Variants in CEP128 observed in about 807,000 individuals in gnomAD.
CEP128 encodes centrosomal protein 128, also known as centrosomal protein 128kDa.
CEP128 carries 132 observed loss-of-function variants against 156.7 expected under a neutral mutation model. That is an observed-to-expected ratio of 0.84 (90% CI 0.73 to 0.97). The LOEUF (loss-of-function observed/expected upper bound fraction) is 0.97. Ranked by LOEUF, CEP128 falls within the 50% of genes least tolerant of loss-of-function variation. The pLI, the probability that CEP128 is intolerant of heterozygous loss-of-function variation, is 0.00. For synonymous variants in CEP128, 469 were observed against 448.9 expected (o/e 1.04, Z -0.57); for missense variants, 1,252 against 1,281.9 (o/e 0.98, Z 0.36).
chr14:80,657,451 A>G (rs1950821093), intron 19 of CEP128, among the ~76,000 whole-genome samples: 1 of 151,958 alleles, frequency 6.6e-6, no homozygotes, highest in African/African-American at 2.4e-5. Flanking sequence ...CAGGAGTTCC[A>G]GACACCCTGG....
intron 1 of CEP128, among the ~76,000 whole-genome samples, chr14:80,940,567 T>C (rs1358038613): frequency 1.3e-5 from 2 of 151,854 alleles, no homozygotes; most frequent in Non-Finnish European, 1.5e-5. Context: ...TAATCCCAGC[T>C]ACTCCGGAGG....
At chr14:80,858,519 T>G (rs1333770436) in intron 9 of CEP128, among the ~76,000 whole-genome samples, 1 of 117,554 alleles carries the variant, frequency 8.5e-6, no homozygotes, top group Admixed American at 9.1e-5. Context: ...CCAAAAGCAA[T>G]GGCAACAAAA....
rs142389077 is a variant in CEP128 at position 80,785,289 on chromosome 14, T to A, written c.1817A>T (p.Lys606Ile). ...KKQSKIQSQM[K>I]VEKAHLEEEI... ...TTCCTCCAAGTGAGCTTTCTCAACTTTCATCTGGCTTTGGATCTTACTCTG... is the reference window on the plus strand; with the variant it reads ...TTCCTCCAAGTGAGCTTTCTCAACTATCATCTGGCTTTGGATCTTACTCTG... Residue 606 changes from lysine to isoleucine, a missense_variant, in exon 15 of 25, where the codon AAA (lysine) becomes ATA (isoleucine). Coordinates refer to ENST00000555265, the MANE Select transcript of CEP128 (RefSeq NM_152446.5). The A allele has an allele frequency of 2.5e-4, 406 of 1,614,190 alleles. No individual in the cohort carries two copies. The highest frequency in any genetic ancestry group is 7.5e-4 in the South Asian group (68 of 91,086).
At chr14:80,485,819 C>T (rs143374330), downstream of CEP128, among the ~76,000 whole-genome samples, 151 of 152,230 alleles carry the variant, frequency 9.9e-4, no homozygotes, top group East Asian at 4.1e-3. Context: ...GGCGTATGTG[C>T]CTGTCCAATG....
Position 80,725,019 on chromosome 14 carries a change from G to GATAT in CEP128, c.2806+18052_2806+18055dup, listed in dbSNP as rs563908140. Among the ~76,000 whole-genome samples the GATAT allele has an allele frequency of 7.1e-3, 983 of 138,830 alleles. 9 individuals carry two copies. Among genetic ancestry groups the GATAT allele is most frequent in the African/African-American group, 0.023 (883 of 37,904 alleles). The allele number at this position is 138,830 out of a possible 152,430, so 91.1% of individuals were successfully genotyped here. Reference sequence around the variant, plus strand: ...ATATCATATATATATATACATATATGATATATATATATATATATGTCAGTG... The same window carrying GATAT: ...ATATCATATATATATATACATATATGATATATATATATATATATATATGTCAGTG... On this transcript the variant is annotated intron_variant, in intron 19 of 24. Transcript: ENST00000555265.
chr14:80,591,979 C>G (rs1487069035), intron 19 of CEP128, among the ~76,000 whole-genome samples: 18 of 152,104 alleles, frequency 1.2e-4, no homozygotes, highest in Admixed American at 6.5e-4. Flanking sequence ...ACACAATATA[C>G]CAGAATCTCT....
At chr14:80,779,576 G>A (rs1900990562) in intron 15 of CEP128, among the ~76,000 whole-genome samples, 2 of 152,164 alleles carry the variant, frequency 1.3e-5, no homozygotes, top group South Asian at 4.1e-4. Flanking sequence ...CCAGCTCATA[G>A]AAACTGTCAA....
At chr14:80,514,076 T>C (rs1888380570) in intron 23 of CEP128, among the ~76,000 whole-genome samples, 1 of 152,214 alleles carries the variant, frequency 6.6e-6, no homozygotes, top group Admixed American at 6.5e-5. Context: ...AATATTTCCT[T>C]TCTATTGATC....
chr14:80,789,437 C>T (rs562353674), intron 14 of CEP128, among the ~76,000 whole-genome samples: 34 of 152,230 alleles, frequency 2.2e-4, no homozygotes, highest in African/African-American at 8.2e-4. Context: ...GTGACGGTCA[C>T]TATAAAATAA....
rs563546022 is a variant in CEP128 at position 80,646,560 on chromosome 14, T to C, written c.2807-66137A>G. ...TGAATAGTATGATAAATGATTTGCC[T>C]AAATCTGTATATACAACATGTATAT... On this transcript the variant is annotated intron_variant, in intron 19 of 24. Coordinates refer to ENST00000555265, the MANE Select transcript of CEP128 (RefSeq NM_152446.5). Among the ~76,000 whole-genome samples the C allele has an allele frequency of 2.0e-5, 3 of 152,168 alleles. No individual in the cohort carries two copies. The South Asian group carries it at 6.2e-4, about 32-fold the overall frequency.
intron 19 of CEP128, among the ~76,000 whole-genome samples, chr14:80,647,047 A>ATGTGTG (rs1566831528): frequency 4.0e-4 from 2 of 4,958 alleles, no homozygotes; most frequent in African/African-American, 2.2e-3. Flanking sequence ...GTATATATAT[A>ATGTGTG]TATATATATA....
intron 13 of CEP128, among the ~76,000 whole-genome samples, chr14:80,798,852 A>T (rs114076988): frequency 6.2e-4 from 95 of 152,364 alleles, no homozygotes; most frequent in African/African-American, 2.3e-3. Context: ...CTCACACTTG[A>T]CAGTGAACAC....
At chr14:80,820,905 C>T (rs1885129612) in intron 13 of CEP128, among the ~76,000 whole-genome samples, 1 of 151,872 alleles carries the variant, frequency 6.6e-6, no homozygotes, top group South Asian at 2.1e-4. Context: ...TAGGTTCCCA[C>T]AAAATAATAT....
intron 8 of CEP128, among the ~76,000 whole-genome samples, chr14:80,879,030 C>T (rs929433712): frequency 6.6e-6 from 1 of 152,210 alleles, no homozygotes; most frequent in African/African-American, 2.4e-5. Flanking sequence ...GTCACTGTCA[C>T]TACCACAAAT....
intron 19 of CEP128, among the ~76,000 whole-genome samples, chr14:80,673,977 TAAAC>T (rs1895961511): frequency 6.6e-6 from 1 of 151,838 alleles, no homozygotes; most frequent in Non-Finnish European, 1.5e-5. Context: ...GCAGAGAAAA[TAAAC>T]AAAAAGAAAT....
At chr14:80,530,505 T>C (rs987233284) in intron 22 of CEP128, among the ~76,000 whole-genome samples, 1 of 152,234 alleles carries the variant, frequency 6.6e-6, no homozygotes, top group Admixed American at 6.5e-5. Flanking sequence ...ATTGTCAGTG[T>C]AATGTGTAAC....
At chr14:80,880,022 C>A (rs1468724230) in intron 8 of CEP128, among the ~76,000 whole-genome samples, 2 of 152,134 alleles carry the variant, frequency 1.3e-5, no homozygotes, top group African/African-American at 2.4e-5. Flanking sequence ...CAGATAAAGA[C>A]ATCACAAGAG....
At position 80,761,464 on chromosome 14, in the gene CEP128, G is replaced by A. The variant is rs150745114; in HGVS notation, c.2526C>T (p.Phe842=). ...GKEIDAACKT[F]SKDSVEKLKV... ...TTAATTTCTCCACTGAGTCCTTGGA[G>A]AATGTTTTACAAGCTGCATCAATTT... Residue 842 remains phenylalanine (F), a synonymous_variant, in exon 17 of 25, where the codon TTC becomes TTT. Coordinates refer to ENST00000555265, the MANE Select transcript of CEP128 (RefSeq NM_152446.5). 6.2e-6 allele frequency: 10 copies of A among 1,609,974 alleles called. No individual in the cohort carries two copies. Among genetic ancestry groups the A allele is most frequent in the Non-Finnish European group, 8.5e-6 (10 of 1,177,386 alleles).
chr14:80,647,016 T>C (rs960274836), intron 19 of CEP128, among the ~76,000 whole-genome samples: 1 of 114,552 alleles, frequency 8.7e-6, no homozygotes, highest in African/African-American at 2.9e-5. Flanking sequence ...TATATATGTG[T>C]GTGTATATAT....
Sources: gnomAD v4.1 joint callset for allele counts (sites outside exome capture counted in the v4.1 genomes callset) on GRCh38, gnomAD v4.1.1 for gene constraint, MANE v1.5 for transcripts, NCBI Gene and HGNC (gene_info 2026-07-23, HGNC 2026-07-21) for gene names.